The following ZYG11A variants were observed in gnomAD, a reference collection of about 807,000 sequenced individuals.
ZYG11A encodes the protein zyg-11 family member A, cell cycle regulator.
In ZYG11A, 62 loss-of-function variants were observed where a neutral mutation model predicts 77.2. The observed-to-expected ratio is 0.80, with a 90% CI of 0.65 to 0.99. ZYG11A has a LOEUF of 0.99. ZYG11A is among the 50% of genes least tolerant of loss of function. The pLI is 0.00. For synonymous variants in ZYG11A, 315 were observed against 324.6 expected, an observed-to-expected ratio of 0.97 and a Z score of 0.32; for missense variants, 828 against 896.8, an observed-to-expected ratio of 0.92 and a Z score of 0.98.
chr1:52,882,742 T>G (rs1256951521), intron 11 of ZYG11A, among the ~76,000 whole-genome samples: 1 of 152,226 alleles, frequency 6.6e-6, no homozygotes, highest in Non-Finnish European at 1.5e-5. Context: ...TGTTGAGAAC[T>G]CCCATGCAAT....
Position 52,842,769 on chromosome 1 carries a change from G to T in ZYG11A, c.-115G>T. On this transcript the variant is annotated 5_prime_UTR_variant, in exon 1 of 14. Coordinates refer to ENST00000371528, the MANE Select transcript of ZYG11A (RefSeq NM_001004339.3). ...GCCGGCAGGGCGCGGCGCTAGCTCC[G>T]TGTGCCTCGCAGGCGTGGTGGGCGC... The T allele has an allele frequency of 1.0e-6, 1 of 997,770 alleles. No homozygotes were observed. Among genetic ancestry groups the T allele is most frequent in the Non-Finnish European group, 1.5e-6 (1 of 683,864 alleles). 61.8% of individuals were successfully genotyped at this position (997,770 alleles called of 1,614,324 possible). A position where few individuals can be genotyped will look rare whatever the true frequency, so the allele number is the denominator to read the frequency against.
intron 11 of ZYG11A, among the ~76,000 whole-genome samples, chr1:52,883,781 T>C (rs1277587725): frequency 3.3e-5 from 5 of 152,112 alleles, no homozygotes; most frequent in Admixed American, 6.6e-5. Context: ...AAGTTGCTTT[T>C]TTTCCTATTT....
At chr1:52,872,900 GAAAAGAAAA>G (rs1333402151) in intron 8 of ZYG11A, among the ~76,000 whole-genome samples, 2 of 45,358 alleles carry the variant, frequency 4.4e-5, no homozygotes, top group Non-Finnish European at 7.0e-5. Context: ...AAAAAAAAAA[GAAAAGAAAA>G]GAAAGAAAGA....
At chr1:52,868,741 C>T (rs1244482261) in intron 8 of ZYG11A, among the ~76,000 whole-genome samples, 1 of 152,106 alleles carries the variant, frequency 6.6e-6, no homozygotes, top group Non-Finnish European at 1.5e-5. Flanking sequence ...GAGCTAAGAT[C>T]GCACAGGTGC....
intron 8 of ZYG11A, among the ~76,000 whole-genome samples, chr1:52,868,458 A>C (rs1646071481): frequency 6.6e-6 from 1 of 152,110 alleles, no homozygotes; most frequent in Admixed American, 6.6e-5. Context: ...TATTTATGTT[A>C]TGATTGTGTT....
chr1:52,864,986 C>T (rs901285127), intron 5 of ZYG11A, among the ~76,000 whole-genome samples: 20 of 151,738 alleles, frequency 1.3e-4, no homozygotes, highest in Non-Finnish European at 7.4e-5. Flanking sequence ...TTTTTTGAGA[C>T]GGAGTCATTC....
chr1:52,870,379 G>A (rs1646133646), intron 8 of ZYG11A, among the ~76,000 whole-genome samples: 1 of 151,048 alleles, frequency 6.6e-6, no homozygotes, highest in South Asian at 2.1e-4. Flanking sequence ...TTTCCAGACT[G>A]GGCAGCCAGG....
chr1:52,854,813 C>G (rs7524175), intron 2 of ZYG11A, among the ~76,000 whole-genome samples, 183 bp downstream of exon 2: 6,311 of 151,954 alleles, frequency 0.042, 340 homozygotes, highest in Middle Eastern at 0.13. Context: ...CTGCTATTGA[C>G]TTGGTTTTCC....
intron 2 of ZYG11A, among the ~76,000 whole-genome samples, chr1:52,855,489 C>T (rs1261377673): frequency 6.6e-6 from 1 of 151,672 alleles, no homozygotes; most frequent in East Asian, 1.9e-4. Context: ...CGTGCCTGGC[C>T]CATAATCAAT....
rs1292168564 is a variant in ZYG11A at position 52,846,308 on chromosome 1, TTTTA to T, written c.90+3337_90+3340del. Reference sequence around the variant, plus strand: ...TTTTGGAAATCATGGCTTTTTAAATTTTTATATATATATATATATATATATATAT... The same window carrying T: ...TTTTGGAAATCATGGCTTTTTAAATTTATATATATATATATATATATATAT... On this transcript the variant is annotated intron_variant, in intron 1 of 13. Coordinates refer to ENST00000371528, the MANE Select transcript of ZYG11A (RefSeq NM_001004339.3). Among the ~76,000 whole-genome samples, 28 of 124,894 alleles carry T rather than the reference TTTTA, an allele frequency of 2.2e-4. 1 individual carries two copies. In the East Asian group the frequency reaches 2.3e-3, roughly 10 times the overall value. The allele number at this position is 124,894 out of a possible 152,430, so 81.9% of individuals were successfully genotyped here.
At chr1:52,888,736 T>A (rs1387514487) in intron 13 of ZYG11A, among the ~76,000 whole-genome samples, 9 of 152,152 alleles carry the variant, frequency 5.9e-5, no homozygotes, top group Admixed American at 5.9e-4. Context: ...GATAGGAGGA[T>A]CACTTGTGCA....
In ZYG11A at chr1:52,860,871, G is replaced by C. The variant is rs1240723750; in HGVS notation, c.1149G>C (p.Lys383Asn). ...SMEVTMPAIL[K>N]LVAIGMRNHP... is the part of the protein sequence containing the mutation. The stretch of plus-strand genomic sequence containing the variant: ...AGGTAACCATGCCTGCTATTTTAAA[G>C]GTAATTGAAGGAAGACAATTTTTAC... The change falls in exon 4 of 14, where the codon AAG (lysine) becomes AAC (asparagine). Residue 383 changes from lysine (K) to asparagine (N), a missense_variant and splice_region_variant. Coordinates refer to ENST00000371528, the MANE Select transcript of ZYG11A (RefSeq NM_001004339.3). 1 of 1,548,620 alleles carries C rather than the reference G, an allele frequency of 6.5e-7. No individual in the cohort carries two copies. The highest frequency in any genetic ancestry group is 1.4e-5 in the African/African-American group (1 of 73,032).
chr1:52,879,747 C>CT (rs1553124483), intron 10 of ZYG11A, among the ~76,000 whole-genome samples: 1 of 142,980 alleles, frequency 7.0e-6, no homozygotes, highest in Non-Finnish European at 1.5e-5. Flanking sequence ...TTCCACTTTT[C>CT]TTATTTATTT....
chr1:52,857,148 A>G lies in ZYG11A; in HGVS notation c.407A>G (p.His136Arg), dbSNP rs1475309883. 2.6e-6 allele frequency: 4 copies of G among 1,551,852 alleles called. No individual in the cohort carries two copies. The highest frequency in any genetic ancestry group is 2.6e-6 in the Non-Finnish European group (3 of 1,147,064). The stretch of plus-strand genomic sequence containing the variant: ...ATTGAACTGAATGCTACTGCAGTGC[A>G]CGCTGACCTCCCAGTTCCAGACATC... ...KLIELNATAV[H>R]ADLPVPDIIS... The change falls in exon 3 of 14, where the codon CAC becomes CGC. Residue 136 changes from histidine (H) to arginine (R), a missense_variant. Coordinates refer to ENST00000371528, the MANE Select transcript of ZYG11A (RefSeq NM_001004339.3).
At position 52,892,816 on chromosome 1, in the gene ZYG11A, AG is replaced by A; in HGVS notation, c.2141del (p.Gly714AspfsTer34). The A allele has an allele frequency of 1.3e-6, 2 of 1,551,662 alleles. No homozygotes were observed. The highest frequency in any genetic ancestry group is 1.7e-6 in the Non-Finnish European group (2 of 1,146,992). On this transcript the variant is annotated frameshift_variant, in exon 14 of 14. Transcript: ENST00000371528. LOFTEE classifies it low-confidence loss of function (END_TRUNC). ...KYCKMLVEEE[G>X]LQLLCDIQEH... is the part of the protein sequence containing the mutation. ...ACTGCAAAATGTTAGTTGAAGAAGA[AG>A]GATTGCAGCTTTTGTGTGATATCCA...
At chr1:52,846,687 T>G (rs1645592082) in intron 1 of ZYG11A, among the ~76,000 whole-genome samples, 1 of 151,932 alleles carries the variant, frequency 6.6e-6, no homozygotes, top group Admixed American at 6.6e-5. Context: ...TGCTCTGAGT[T>G]TTTAATTTTT....
rs534890685 is a variant in ZYG11A at position 52,894,681 on chromosome 1, C to G, written c.*1724C>G. The G allele has an allele frequency of 1.3e-5, 2 of 152,356 alleles. No individual in the cohort carries two copies. The highest frequency in any genetic ancestry group is 3.9e-4 in the East Asian group (2 of 5,188). The allele number at this position is 152,356 out of a possible 1,614,324, so 9.4% of individuals were successfully genotyped here. A position where few individuals can be genotyped will look rare whatever the true frequency, so the allele number is the denominator to read the frequency against. ...TGAGGAAGAAGCTCATTCTCTTACT[C>G]TAAACCATGTTCCAAACTATTACCA... On this transcript the variant is annotated 3_prime_UTR_variant, in exon 14 of 14. Transcript: ENST00000371528.
chr1:52,865,976 C>T lies in ZYG11A; in HGVS notation c.1327-527C>T, dbSNP rs188246182. 8.8e-3 allele frequency among the ~76,000 whole-genome samples: 1,145 copies of T among 130,808 alleles called. 16 individuals are homozygous for T. In the Middle Eastern group the frequency reaches 0.2, roughly 23 times the overall value. The allele number at this position is 130,808 out of a possible 152,430, so 85.8% of individuals were successfully genotyped here. A position where few individuals can be genotyped will look rare whatever the true frequency, so the allele number is the denominator to read the frequency against. ...TTTTTGAGATGGAGTCTCGCTCTGTCGCCCAGGCTGGAGTGCAGTGGCACA... is the reference window on the plus strand; with the variant it reads ...TTTTTGAGATGGAGTCTCGCTCTGTTGCCCAGGCTGGAGTGCAGTGGCACA... On this transcript the variant is annotated intron_variant, in intron 5 of 13. Transcript: ENST00000371528.
chr1:52,878,810 A>G (rs1229102945), intron 10 of ZYG11A, among the ~76,000 whole-genome samples: 1 of 151,668 alleles, frequency 6.6e-6, no homozygotes, highest in East Asian at 1.9e-4. Flanking sequence ...ATGGTAGCAC[A>G]TGCCTGTAAT....
Sources: gnomAD v4.1 joint callset for allele counts (sites outside exome capture counted in the v4.1 genomes callset) on GRCh38, gnomAD v4.1.1 for gene constraint, MANE v1.5 for transcripts, NCBI Gene and HGNC (gene_info 2026-07-23, HGNC 2026-07-21) for gene names.